The following PARP8 variants were observed in gnomAD, a reference collection of about 807,000 sequenced individuals.
The protein encoded by PARP8 is poly(ADP-ribose) polymerase family member 8.
A neutral mutation model predicts 124.1 loss-of-function variants in PARP8; 51 were observed. The observed-to-expected ratio is 0.41, with a 90% CI of 0.33 to 0.52. PARP8 has a LOEUF of 0.52. Ranked by LOEUF, PARP8 falls within the 20% of genes least tolerant of loss-of-function variation. The pLI, the probability that PARP8 is intolerant of heterozygous loss-of-function variation, is 0.21. For missense variants in PARP8, 860 were observed against 1,018.9 expected (o/e 0.84, Z 2.12); for synonymous variants, 391 against 361.5 (o/e 1.08, Z -0.93).
intron 12 of PARP8, 78 bp downstream of exon 12, chr5:50,795,495 G>A (rs1742439804): frequency 8.2e-6 from 10 of 1,213,662 alleles, no homozygotes; most frequent in Non-Finnish European, 1.0e-5. Context: ...ATAAGATCTG[G>A]TGGAGAAAAG....
chr5:50,752,719 C>A (rs979872555), intron 3 of PARP8, among the ~76,000 whole-genome samples: 4 of 152,004 alleles, frequency 2.6e-5, no homozygotes, highest in Non-Finnish European at 5.9e-5. Context: ...TTTATGAATT[C>A]TTTCTAATAA....
rs1156321707 is a variant in PARP8 at position 50,833,862 on chromosome 5, A to G, written c.2308-117A>G. ...CAAGGAAATTGATGCTAGTCTAGAT[A>G]GGCTTTTTTTTTTTGACCTGGAGCC... On this transcript the variant is annotated intron_variant, in intron 23 of 25. Transcript: ENST00000281631. 4.2e-6 allele frequency: 3 copies of G among 707,918 alleles called. No individual in the cohort carries two copies. The African/African-American group carries it at 5.4e-5, about 13-fold the overall frequency. 43.9% of individuals were successfully genotyped at this position (707,918 alleles called of 1,614,324 possible).
At chr5:50,747,168 T>TTTG in intron 2 of PARP8, among the ~76,000 whole-genome samples, 1 of 139,364 alleles carries the variant, frequency 7.2e-6, no homozygotes, top group South Asian at 2.3e-4. Flanking sequence ...GTTTTGTTTT[T>TTTG]TTTTTTTTTT....
At chr5:50,775,416 G>A (rs1380286936) in intron 7 of PARP8, among the ~76,000 whole-genome samples, 6 of 152,120 alleles carry the variant, frequency 3.9e-5, no homozygotes, top group South Asian at 2.1e-4. Context: ...CCAGTCAAGC[G>A]TGGCGGCGCG....
chr5:50,763,942 C>G (rs1310211481), intron 7 of PARP8, among the ~76,000 whole-genome samples: 2 of 152,164 alleles, frequency 1.3e-5, no homozygotes, highest in African/African-American at 2.4e-5. Context: ...CAGTCTGGCC[C>G]CTTTATGCTC....
intron 9 of PARP8, among the ~76,000 whole-genome samples, chr5:50,779,506 C>G (rs1341384680): frequency 2.6e-5 from 4 of 152,174 alleles, no homozygotes; most frequent in African/African-American, 9.7e-5. Flanking sequence ...GCTAGAGTGC[C>G]TGTCCGACAC....
At chr5:50,744,715 CT>C (rs577036730) in intron 2 of PARP8, 832 of 616,618 alleles carry the variant, frequency 1.3e-3, no homozygotes, top group Admixed American at 3.7e-3. Context: ...ATTCTGAAGG[CT>C]TTTTTTTTTC....
At chr5:50,812,094 G>A (rs1744522163) in intron 14 of PARP8, among the ~76,000 whole-genome samples, 1 of 152,154 alleles carries the variant, frequency 6.6e-6, no homozygotes, top group African/African-American at 2.4e-5. Context: ...AATCCTTTGG[G>A]TATATGCCCA....
chr5:50,808,971 TACTA>T (rs1257476073), intron 14 of PARP8, among the ~76,000 whole-genome samples: 6 of 151,998 alleles, frequency 3.9e-5, no homozygotes, highest in Non-Finnish European at 8.8e-5. Context: ...ACTTCTGAAA[TACTA>T]ACTAAAATAA....
chr5:50,801,489 A>T (rs576039140), intron 14 of PARP8, among the ~76,000 whole-genome samples: 1 of 152,272 alleles, frequency 6.6e-6, no homozygotes, highest in African/African-American at 2.4e-5. Context: ...AATTTATGTG[A>T]GTAATTTATT....
At chr5:50,800,440 G>A (rs1743073969) in intron 14 of PARP8, among the ~76,000 whole-genome samples, 1 of 152,096 alleles carries the variant, frequency 6.6e-6, no homozygotes, top group African/African-American at 2.4e-5. Context: ...TAATGTGCTT[G>A]ACTAGAACTT....
At chr5:50,739,505 G>A (rs1580158040) in intron 2 of PARP8, among the ~76,000 whole-genome samples, 3 of 151,812 alleles carry the variant, frequency 2.0e-5, no homozygotes, top group African/African-American at 7.3e-5. Context: ...CACAACACTA[G>A]GGGAGTAGAT....
intron 2 of PARP8, among the ~76,000 whole-genome samples, chr5:50,687,354 A>G (rs968237087): frequency 2.6e-5 from 4 of 152,150 alleles, no homozygotes; most frequent in African/African-American, 9.7e-5. Context: ...CCTGGACTTT[A>G]TTGTCCATAT....
intron 2 of PARP8, among the ~76,000 whole-genome samples, chr5:50,736,338 C>T (rs1340373787): frequency 6.6e-6 from 1 of 152,066 alleles, no homozygotes; most frequent in South Asian, 2.1e-4. Context: ...TTAGTGGCTG[C>T]AGCATCTTTG....
chr5:50,827,781 A>G (rs527845591), intron 19 of PARP8, among the ~76,000 whole-genome samples, 163 bp from the exon 20 acceptor site: 1 of 152,178 alleles, frequency 6.6e-6, no homozygotes, highest in Non-Finnish European at 1.5e-5. Flanking sequence ...ACTTGCGTAG[A>G]GTTTTAAAAA....
In PARP8 at chr5:50,666,754, CG is replaced by C. The variant is rs1241495511; in HGVS notation, c.-340del. 3 of 648,402 alleles carry C rather than the reference CG, an allele frequency of 4.6e-6. No individual in the cohort carries two copies. In the East Asian group the frequency reaches 2.9e-4, roughly 63 times the overall value. The allele number at this position is 648,402 out of a possible 1,614,324, so 40.2% of individuals were successfully genotyped here. On this transcript the variant is annotated 5_prime_UTR_variant, in exon 1 of 26. Coordinates refer to ENST00000281631, the MANE Select transcript of PARP8 (RefSeq NM_024615.4). ...TGCTCTCTGGCTGTCCCCGGCACCT[CG>C]GCCCCCACGGCCGTTGGTCCGGGCG... is the stretch of plus-strand genomic sequence containing the variant.
intron 2 of PARP8, among the ~76,000 whole-genome samples, chr5:50,689,036 T>G (rs1418501934): frequency 2.8e-5 from 4 of 145,032 alleles, no homozygotes; most frequent in Non-Finnish European, 4.5e-5. Flanking sequence ...TTTTTGATTT[T>G]TTTTTTTTTT....
intron 2 of PARP8, among the ~76,000 whole-genome samples, chr5:50,683,483 G>A (rs1751513231): frequency 6.6e-6 from 1 of 152,124 alleles, no homozygotes; most frequent in African/African-American, 2.4e-5. Context: ...GGATGAGAGT[G>A]ACTTCTGCCT....
intron 2 of PARP8, among the ~76,000 whole-genome samples, chr5:50,725,144 A>ATG (rs1436254906): frequency 6.0e-5 from 9 of 149,356 alleles, no homozygotes; most frequent in African/African-American, 1.5e-4. Flanking sequence ...ATGTATGTAT[A>ATG]TGTGTGTATA....
Sources: allele counts gnomAD v4.1 joint callset (sites outside exome capture counted in the v4.1 genomes callset), GRCh38; gene constraint gnomAD v4.1.1; transcripts MANE v1.5; gene names NCBI Gene and HGNC (gene_info 2026-07-23, HGNC 2026-07-21).